PCDHGB3: variants seen among roughly 807,000 people sequenced by gnomAD.
PCDHGB3 encodes the protein protocadherin gamma-B3.
Under a neutral mutation model 59.2 loss-of-function variants are expected in PCDHGB3, and 40 were observed. That is an observed-to-expected ratio of 0.68 (90% CI 0.52 to 0.88). The LOEUF is 0.88. Among genes scored for constraint, PCDHGB3 ranks in the 40% least tolerant of loss-of-function variants. The probability of loss-of-function intolerance (pLI) is 0.00; values close to 1 mark genes in which losing one functional copy is unlikely to be tolerated. For synonymous variants in PCDHGB3, 581 were observed against 503.6 expected, an observed-to-expected ratio of 1.15 and a Z score of -2.06; for missense variants, 1,309 against 1,187.9, an observed-to-expected ratio of 1.10 and a Z score of -1.50.
At position 141,421,819 on chromosome 5, in the gene PCDHGB3, G is replaced by C. The variant is rs752366104; in HGVS notation, c.2415+49010G>C. The C allele has an allele frequency of 3.8e-5, 61 of 1,613,688 alleles. No homozygotes were observed. Among genetic ancestry groups the C allele is most frequent in the Non-Finnish European group, 4.9e-5 (58 of 1,179,892 alleles). ...GGCCAAGAATCCAGAGCTAGTACTG[G>C]AGGGAAGCCTGGACCGAGAGAAAGA... On this transcript the variant is annotated intron_variant, in intron 1 of 3. Coordinates refer to ENST00000576222, the MANE Select transcript of PCDHGB3 (RefSeq NM_018924.5).
At chr5:141,501,583 T>C (rs1270487304) in intron 2 of PCDHGB3, among the ~76,000 whole-genome samples, 1 of 152,054 alleles carries the variant, frequency 6.6e-6, no homozygotes, top group Non-Finnish European at 1.5e-5. Context: ...GGCTTTCAGG[T>C]TGCAACTCTA....
chr5:141,419,659 C>T (rs930108720), intron 1 of PCDHGB3: 2 of 1,612,608 alleles, frequency 1.2e-6, no homozygotes, highest in East Asian at 4.5e-5. Flanking sequence ...ACTCGGGGCA[C>T]AATGCCTGGC....
intron 1 of PCDHGB3, chr5:141,376,073 GTGGCCGACAGGATCCCCGACATCC>G: frequency 1.2e-6 from 2 of 1,613,508 alleles, no homozygotes; most frequent in Non-Finnish European, 1.7e-6. Flanking sequence ...CACCGTGGCC[GTGGCCGACAGGATCCCCGACATCC>G]TGGCCGACCT....
At chr5:141,403,102 G>T (rs765706858) in intron 1 of PCDHGB3, 1 of 1,614,046 alleles carries the variant, frequency 6.2e-7, no homozygotes, top group Admixed American at 1.7e-5. Context: ...ACATCTCCAA[G>T]GACCTGGCTC....
chr5:141,511,002 C>T lies in PCDHGB3; in HGVS notation c.2619C>T (p.Ser873=), dbSNP rs143630962. 77 of 1,614,140 alleles carry T rather than the reference C, an allele frequency of 4.8e-5. No individual in the cohort carries two copies. Among genetic ancestry groups the T allele is most frequent in the South Asian group, 2.1e-4 (19 of 91,080 alleles). ...GGGGTGCCGGCACCATGGGATTGAG[C>T]GCCCGCTACGGACCCCAGTTCACCC... The part of the protein sequence containing the change: ...LGGGAGTMGL[S]ARYGPQFTLQ... Residue 873 remains serine (S), a synonymous_variant, in exon 4 of 4, where the codon AGC becomes AGT. Coordinates refer to ENST00000576222, the MANE Select transcript of PCDHGB3 (RefSeq NM_018924.5).
chr5:141,372,478 C>A lies in PCDHGB3; in HGVS notation c.2084C>A (p.Ala695Glu). 6.2e-7 allele frequency: 1 copy of A among 1,614,070 alleles called. No homozygotes were observed. ...GAGCTACAGTTTCACCTAGTAGTGG[C>A]GTTGGCCTTGATCTCAGTGCTCTTC... is the stretch of plus-strand genomic sequence containing the variant. ...QAELQFHLVV[A>E]LALISVLFLL... Residue 695 changes from alanine (A) to glutamate (E), a missense_variant, in exon 1 of 4, where the codon GCG (alanine) becomes GAG (glutamate). Coordinates refer to ENST00000576222, the MANE Select transcript of PCDHGB3 (RefSeq NM_018924.5).
intron 1 of PCDHGB3, chr5:141,418,506 ATGG>A (rs2096264933): frequency 6.2e-7 from 1 of 1,613,860 alleles, no homozygotes; most frequent in African/African-American, 1.3e-5. Context: ...ACCGCCTTAG[ATGG>A]TGGGGACCCT....
chr5:141,383,002 G>T lies in PCDHGB3; in HGVS notation c.2415+10193G>T, dbSNP rs376825891. On this transcript the variant is annotated intron_variant, in intron 1 of 3. Coordinates refer to ENST00000576222, the MANE Select transcript of PCDHGB3 (RefSeq NM_018924.5). ...CTGGGCAGGACGTATTCTCTACTCC[G>T]TGTCGGAGGAGACGGACAAAGGGTC... The T allele has an allele frequency of 1.2e-6, 2 of 1,613,650 alleles. No individual in the cohort carries two copies. Among genetic ancestry groups the T allele is most frequent in the African/African-American group, 1.3e-5 (1 of 74,948 alleles).
Position 141,444,232 on chromosome 5 carries a change from C to T in PCDHGB3, c.2416-50575C>T, listed in dbSNP as rs1411172798. Among the ~76,000 whole-genome samples the T allele has an allele frequency of 2.5e-5, 3 of 122,350 alleles. No individual in the cohort carries two copies. In the Admixed American group the frequency reaches 3.3e-4, roughly 14 times the overall value. The allele number at this position is 122,350 out of a possible 152,430, so 80.3% of individuals were successfully genotyped here. ...TGTTGCCCAGGCTGGAGTGCAATGG[C>T]ATGCTCTCGGCTCACTGCAACCTCC... is the stretch of plus-strand genomic sequence containing the variant. On this transcript the variant is annotated intron_variant, in intron 1 of 3. Coordinates refer to ENST00000576222, the MANE Select transcript of PCDHGB3 (RefSeq NM_018924.5).
At position 141,413,315 on chromosome 5, in the gene PCDHGB3, C is replaced by G. The variant is rs747758921; in HGVS notation, c.2415+40506C>G. The stretch of plus-strand genomic sequence containing the variant: ...ATTCCTGAGGAATTAGAGAAAGGCT[C>G]TTTCGTGGGCAACATCTCCAAGGAC... On this transcript the variant is annotated intron_variant, in intron 1 of 3. Transcript: ENST00000576222. 6 of 1,613,976 alleles carry G rather than the reference C, an allele frequency of 3.7e-6. No individual in the cohort carries two copies. The South Asian group carries it at 5.5e-5, about 15-fold the overall frequency.
At chr5:141,426,693 A>G (rs62378458) in intron 1 of PCDHGB3, 1 of 435,784 alleles carries the variant, frequency 2.3e-6, no homozygotes, top group African/African-American at 2.0e-5. Flanking sequence ...CCAAAATAGC[A>G]TTGTTTTACA....
At chr5:141,376,085 A>T (rs777795289) in intron 1 of PCDHGB3, 1 of 1,613,530 alleles carries the variant, frequency 6.2e-7, no homozygotes. Flanking sequence ...GGCCGACAGG[A>T]TCCCCGACAT....
intron 1 of PCDHGB3, chr5:141,404,914 C>T (rs1423848318): frequency 1.2e-6 from 2 of 1,613,948 alleles, no homozygotes; most frequent in Non-Finnish European, 1.7e-6. Flanking sequence ...AGCCCCCTCT[C>T]TCGGCCACTG....
intron 1 of PCDHGB3, chr5:141,479,743 T>C (rs2154578017): frequency 6.6e-6 from 1 of 152,356 alleles, no homozygotes; most frequent in African/African-American, 2.4e-5. Flanking sequence ...ATATGCACAA[T>C]GTGAAAGGTA....
intron 1 of PCDHGB3, among the ~76,000 whole-genome samples, chr5:141,481,913 CAAAAAAA>C (rs34114744): frequency 2.2e-5 from 2 of 90,812 alleles, no homozygotes; most frequent in Admixed American, 1.2e-4. Context: ...AACTCCATCT[CAAAAAAA>C]AAAAAAAAAA....
At position 141,409,019 on chromosome 5, in the gene PCDHGB3, G is replaced by T; in HGVS notation, c.2415+36210G>T. 2.5e-6 allele frequency: 4 copies of T among 1,613,996 alleles called. No homozygotes were observed. The South Asian group carries it at 3.3e-5, about 13-fold the overall frequency. On this transcript the variant is annotated intron_variant, in intron 1 of 3. Coordinates refer to ENST00000576222, the MANE Select transcript of PCDHGB3 (RefSeq NM_018924.5). The stretch of plus-strand genomic sequence containing the variant: ...GACAGCCACTGACCAGGATGAGGGG[G>T]TCAATGCTGAGATAAACTACTACTT...
Position 141,370,514 on chromosome 5 carries a change from G to C in PCDHGB3, c.120G>C (p.Glu40Asp), listed in dbSNP as rs1295709231. ...CGATCCGCTACGCTATTCCCGAGGA[G>C]CTGGACAGGGGCTCGCTGGTAGGGA... ...SEPIRYAIPE[E>D]LDRGSLVGNL... is the part of the protein sequence containing the mutation. The change falls in exon 1 of 4, where the codon GAG becomes GAC. Residue 40 changes from glutamate to aspartate, a missense_variant. Transcript: ENST00000576222. 2 of 1,613,894 alleles carry C rather than the reference G, an allele frequency of 1.2e-6. No individual in the cohort carries two copies. Among genetic ancestry groups the C allele is most frequent in the East Asian group, 2.2e-5 (1 of 44,884 alleles).
intron 1 of PCDHGB3, among the ~76,000 whole-genome samples, chr5:141,402,245 A>G (rs1196349685): frequency 6.6e-6 from 1 of 152,078 alleles, no homozygotes; most frequent in East Asian, 1.9e-4. Flanking sequence ...TTTATCATCA[A>G]AATAAACCCC....
Position 141,370,775 on chromosome 5 carries a change from C to T in PCDHGB3, c.381C>T (p.Asn127=), listed in dbSNP as rs1767193256. ...FHVTVLIQDI[N]DNPPTFSQNI... ...TAACTGTGCTGATCCAGGATATTAA[C>T]GACAACCCACCGACCTTTAGCCAAA... The change falls in exon 1 of 4, where the codon AAC becomes AAT. Residue 127 remains asparagine, a synonymous_variant. Transcript: ENST00000576222. The T allele has an allele frequency of 1.2e-6, 2 of 1,613,848 alleles. No homozygotes were observed. The highest frequency in any genetic ancestry group is 1.1e-5 in the South Asian group (1 of 91,088).
Sources: gnomAD v4.1 joint callset for allele counts (sites outside exome capture counted in the v4.1 genomes callset) on GRCh38, gnomAD v4.1.1 for gene constraint, MANE v1.5 for transcripts, NCBI Gene and HGNC (gene_info 2026-07-23, HGNC 2026-07-21) for gene names.